The following HDX variants were observed in gnomAD, a reference collection of about 807,000 sequenced individuals.
The protein encoded by HDX is highly divergent homeobox.
HDX carries 19 observed loss-of-function variants against 45.2 expected under a neutral mutation model. That is an observed-to-expected ratio of 0.42 (90% CI 0.29 to 0.62). The LOEUF is 0.62. HDX is among the 20% of genes least tolerant of loss of function. The pLI is 0.20. For missense variants in HDX, 532 were observed against 493.9 expected (o/e 1.08, Z -0.73); for synonymous variants, 188 against 172.8 (o/e 1.09, Z -0.69).
At chrX:84,385,308 G>A (rs1472069010) in intron 5 of HDX, among the ~76,000 whole-genome samples, 6 of 87,068 alleles carry the variant, frequency 6.9e-5, no homozygotes, top group South Asian at 1.5e-3. Context: ...CCGCCTCCCG[G>A]GTTCACGCCA....
chrX:84,377,487 G>A (rs1486661229), intron 5 of HDX, among the ~76,000 whole-genome samples: 1 of 111,536 alleles, frequency 9.0e-6, no homozygotes, highest in East Asian at 2.8e-4. Context: ...TGAGGAAAAA[G>A]AAATTCAAGC....
chrX:84,440,572 A>G lies in HDX; in HGVS notation c.1265T>C (p.Leu422Pro). 2.5e-6 allele frequency: 3 copies of G among 1,177,232 alleles called. No homozygotes were observed. The highest frequency in any genetic ancestry group is 3.5e-6 in the Non-Finnish European group (3 of 866,825). The change falls in exon 5 of 11, where the codon CTT (leucine) becomes CCT (proline). Residue 422 changes from leucine to proline, a missense_variant. By Grantham distance (98) the Leu-to-Pro change is moderately conservative (BLOSUM62 -3). Around this residue, in one of 3 missense-constraint regions of HDX, gnomAD observed 376 missense variants for 343.7 expected, o/e 1.09. Coordinates refer to ENST00000373177, the MANE Select transcript of HDX (RefSeq NM_001177479.2). ...ACACCCTGTAATCCAAGGCACAGTA[A>G]GGTTTCCTGAAATCTGTGAAAACAA... The part of the protein sequence containing the change: ...NQNNYQISGN[L>P]TVPWITGCSR...
intron 4 of HDX, among the ~76,000 whole-genome samples, chrX:84,445,216 C>G (rs1200409182): frequency 9.0e-6 from 1 of 111,383 alleles, no homozygotes; most frequent in African/African-American, 3.3e-5. Context: ...TTTATGTGAG[C>G]CAGGAAAATG....
chrX:84,432,530 T>C (rs945289379), intron 5 of HDX, among the ~76,000 whole-genome samples: 1 of 111,705 alleles, frequency 9.0e-6, no homozygotes, highest in African/African-American at 3.2e-5. Flanking sequence ...GTAATTCTCA[T>C]TGTAGAGATA....
chrX:84,425,169 T>C (rs1483433491), intron 5 of HDX, among the ~76,000 whole-genome samples: 1 of 111,713 alleles, frequency 9.0e-6, no homozygotes, highest in Non-Finnish European at 1.9e-5. Flanking sequence ...TTTGAGTCAG[T>C]GTTTCTCAAA....
intron 5 of HDX, among the ~76,000 whole-genome samples, chrX:84,370,352 C>A (rs1158863158): frequency 8.9e-6 from 1 of 111,927 alleles, no homozygotes; most frequent in Non-Finnish European, 1.9e-5. Flanking sequence ...GAGACCTCTG[C>A]TTTCACAATA....
chrX:84,396,170 G>C (rs1207466156), intron 5 of HDX, among the ~76,000 whole-genome samples: 1 of 112,198 alleles, frequency 8.9e-6, no homozygotes, highest in African/African-American at 3.2e-5. Flanking sequence ...TGCACATGTA[G>C]TGTAACAATT....
chrX:84,365,006 T>A (rs1244616739), intron 5 of HDX, among the ~76,000 whole-genome samples: 1 of 111,669 alleles, frequency 9.0e-6, no homozygotes, highest in Non-Finnish European at 1.9e-5. Flanking sequence ...TTTTTATCCC[T>A]CTATGGACAT....
At chrX:84,399,044 A>C (rs1381754189) in intron 5 of HDX, among the ~76,000 whole-genome samples, 6 of 111,813 alleles carry the variant, frequency 5.4e-5, no homozygotes, top group Non-Finnish European at 1.1e-4. Context: ...AACATACCAG[A>C]ATATCTTGAA....
At chrX:84,361,197 G>A (rs970836409) in intron 6 of HDX, among the ~76,000 whole-genome samples, 5 of 111,509 alleles carry the variant, frequency 4.5e-5, no homozygotes, top group Non-Finnish European at 9.4e-5. Flanking sequence ...TTGGCAATAT[G>A]TATATCTTTT....
rs889511847 is a variant in HDX at position 84,326,028 on chromosome X, A to G, written c.1947+150T>C. 14 of 509,798 alleles carry G rather than the reference A, an allele frequency of 2.7e-5. No homozygotes were observed. The African/African-American group carries it at 3.4e-4, about 12-fold the overall frequency. 42.0% of individuals were successfully genotyped at this position (509,798 alleles called of 1,213,427 possible). The stretch of plus-strand genomic sequence containing the variant: ...AAATCTGAGCATCTATTCTCAAGAA[A>G]ACTGTTTGCAAAGGTCATGAAATAA... On this transcript the variant is annotated intron_variant, in intron 10 of 10. Coordinates refer to ENST00000373177, the MANE Select transcript of HDX (RefSeq NM_001177479.2).
At chrX:84,338,096 G>C (rs1326805195) in intron 7 of HDX, among the ~76,000 whole-genome samples, 1 of 111,070 alleles carries the variant, frequency 9.0e-6, no homozygotes, top group Non-Finnish European at 1.9e-5. Flanking sequence ...ATATTTATCA[G>C]CCCTCACGAA....
Position 84,361,498 on chromosome X carries a change from T to C in HDX, c.1420A>G (p.Thr474Ala). The C allele has an allele frequency of 1.7e-6, 2 of 1,207,946 alleles. No individual in the cohort carries two copies. Among genetic ancestry groups the C allele is most frequent in the Non-Finnish European group, 2.2e-6 (2 of 892,621 alleles). The part of the protein sequence containing the change: ...VCREKIEAVA[T>A]ELNVDCEIVR... ...ATTTCACAGTCAACATTTAATTCAG[T>C]TGCCACAGCTTCAATTTTCTCTCTA... Residue 474 changes from threonine to alanine, a missense_variant, in exon 6 of 11, where the codon ACT (threonine) becomes GCT (alanine). Transcript: ENST00000373177.
chrX:84,413,619 T>C (rs1337161189), intron 5 of HDX, among the ~76,000 whole-genome samples: 2 of 112,036 alleles, frequency 1.8e-5, no homozygotes. Context: ...CCATGCTCTC[T>C]TGTTAACTAT....
intron 5 of HDX, among the ~76,000 whole-genome samples, chrX:84,421,975 A>G (rs985132363): frequency 9.1e-6 from 1 of 109,655 alleles, no homozygotes; most frequent in Non-Finnish European, 1.9e-5. Flanking sequence ...TTTAACAAAC[A>G]ACTGTCAACA....
chrX:84,333,655 G>C (rs1440094566), intron 9 of HDX, 104 bp downstream of exon 9: 1 of 408,692 alleles, frequency 2.4e-6, no homozygotes, highest in African/African-American at 2.6e-5. Flanking sequence ...TTAATGCAGA[G>C]CCTTAGAATG....
intron 5 of HDX, among the ~76,000 whole-genome samples, chrX:84,424,451 A>T (rs1354843125): frequency 1.2e-5 from 1 of 83,886 alleles, no homozygotes; most frequent in Non-Finnish European, 2.3e-5. Context: ...CAGAAATTTA[A>T]AAAAAAAAAT....
rs1310979059 is a variant in HDX, at chrX:84,421,840, T to A, written c.1305+18692A>T. On this transcript the variant is annotated intron_variant, in intron 5 of 10. Transcript: ENST00000373177. Reference sequence around the variant, plus strand: ...GACAAAGAAGGTCACTATATAATGATAATTCAGCAAGAGGATATAAGAAAT... The same window carrying A: ...GACAAAGAAGGTCACTATATAATGAAAATTCAGCAAGAGGATATAAGAAAT... 5.4e-5 allele frequency among the ~76,000 whole-genome samples: 6 copies of A among 111,113 alleles called. No individual in the cohort carries two copies. In the Admixed American group the frequency reaches 5.8e-4, roughly 11 times the overall value.
chrX:84,418,126 C>T (rs1164978357), intron 5 of HDX, among the ~76,000 whole-genome samples: 3 of 111,594 alleles, frequency 2.7e-5, no homozygotes, highest in African/African-American at 9.8e-5. Context: ...AAAGTCAGTC[C>T]ATAGGGGAAA....
Sources: gnomAD v4.1 joint callset for allele counts (sites outside exome capture counted in the v4.1 genomes callset) on GRCh38, gnomAD v4.1.1 for gene constraint, gnomAD v4.1.1 regional missense constraint, MANE v1.5 for transcripts, NCBI Gene and HGNC (gene_info 2026-07-23, HGNC 2026-07-21) for gene names.